Variants in INTS6 observed in about 807,000 individuals in gnomAD.
INTS6 encodes DEAD box protein.
INTS6 carries 16 observed loss-of-function variants against 104.9 expected under a neutral mutation model. The observed-to-expected ratio is 0.15, with a 90% CI of 0.10 to 0.23. The LOEUF is 0.23. INTS6 is among the 10% of genes least tolerant of loss of function. The pLI, the probability that INTS6 is intolerant of heterozygous loss-of-function variation, is 1.00. For synonymous variants in INTS6, 324 were observed against 358.7 expected, an observed-to-expected ratio of 0.90 and a Z score of 1.09; for missense variants, 584 against 1,062.8, an observed-to-expected ratio of 0.55 and a Z score of 6.26.
chr13:51,374,881 T>C, intron 13 of INTS6, 85 bp from the exon 14 acceptor site: 2 of 1,381,394 alleles, frequency 1.4e-6, no homozygotes, highest in Non-Finnish European at 2.0e-6. Context: ...TGCTACCTAG[T>C]GTTATTCTAG....
the INTS6 span, among the ~76,000 whole-genome samples, chr13:51,338,060 C>T: frequency 0.016 from 2,376 of 152,144 alleles, 34 homozygotes; most frequent in East Asian, 0.07. Context: ...GCATTTTTCC[C>T]GAAGGATGCT....
At chr13:51,436,733 A>G (rs1336519872) in intron 3 of INTS6, 1 of 152,212 alleles carries the variant, frequency 6.6e-6, no homozygotes, top group African/African-American at 2.4e-5. Flanking sequence ...AAAAGACGAT[A>G]ATATAAACTC....
Position 51,417,900 on chromosome 13 carries a change from G to GT in INTS6, c.429+12393dup, listed in dbSNP as rs968326178. ...CTTATGCAGTACAATACTGTTGCTT[G>GT]TTTTTTTCTTTTAATCCCACACTAG... On this transcript the variant is annotated intron_variant, in intron 4 of 17. Coordinates refer to ENST00000311234, the MANE Select transcript of INTS6 (RefSeq NM_012141.3). Among the ~76,000 whole-genome samples the GT allele has an allele frequency of 8.5e-5, 13 of 152,208 alleles. No homozygotes were observed. The East Asian group carries it at 1.5e-3, about 18-fold the overall frequency.
At chr13:51,386,319 C>G in intron 7 of INTS6, among the ~76,000 whole-genome samples, 1 of 151,844 alleles carries the variant, frequency 6.6e-6, no homozygotes, top group Non-Finnish European at 1.5e-5. Flanking sequence ...GAATAAATAA[C>G]CAACATGACA....
At chr13:51,388,562 T>G (rs1209858861) in intron 6 of INTS6, among the ~76,000 whole-genome samples, 1 of 151,990 alleles carries the variant, frequency 6.6e-6, no homozygotes, top group Non-Finnish European at 1.5e-5. Context: ...CCTGGCTCAT[T>G]TTGTATTTTT....
intron 13 of INTS6, among the ~76,000 whole-genome samples, chr13:51,375,301 G>A (rs893383669): frequency 1.4e-5 from 2 of 146,386 alleles, no homozygotes; most frequent in African/African-American, 2.6e-5. Context: ...GCAGTGAGCC[G>A]AGATCACACC....
intron 3 of INTS6, among the ~76,000 whole-genome samples, chr13:51,435,770 C>G (rs1957175614): frequency 6.6e-6 from 1 of 152,046 alleles, no homozygotes; most frequent in South Asian, 2.1e-4. Flanking sequence ...ATAAAATCTT[C>G]TGATGTGCTA....
intron 7 of INTS6, among the ~76,000 whole-genome samples, chr13:51,385,692 A>G (rs1171884894): frequency 3.3e-5 from 5 of 152,018 alleles, no homozygotes; most frequent in Non-Finnish European, 7.4e-5. Context: ...CAGTAGCAAT[A>G]TTTCTTCAAT....
Position 51,452,823 on chromosome 13 carries a change from T to A in INTS6, c.-298A>T. ...CGGTTCGTCCCCCCCGCCTCGGGGG[T>A]CCCGTCCCCGCTCCCGGCCCCTGTG... On this transcript the variant is annotated 5_prime_UTR_variant, in exon 1 of 18. Transcript: ENST00000311234. This position sits in a 1 kb window ranked among gnomAD's most constrained non-coding sequence, Gnocchi z 4.2. 1.7e-6 allele frequency: 2 copies of A among 1,166,844 alleles called. No individual in the cohort carries two copies. The highest frequency in any genetic ancestry group is 2.1e-6 in the Non-Finnish European group (2 of 938,700). The allele number at this position is 1,166,844 out of a possible 1,614,324, so 72.3% of individuals were successfully genotyped here. A position where few individuals can be genotyped will look rare whatever the true frequency, so the allele number is the denominator to read the frequency against.
chr13:51,355,072 A>G, intron 3 of INTS6: 1 of 1,547,250 alleles, frequency 6.5e-7, no homozygotes, highest in Non-Finnish European at 8.8e-7. Context: ...TTCAACTTAA[A>G]AAGCATTTTA....
chr13:51,343,393 C>A, the INTS6 span, among the ~76,000 whole-genome samples: 1 of 152,158 alleles, frequency 6.6e-6, no homozygotes, highest in Non-Finnish European at 1.5e-5. Context: ...GGCAAGAGCC[C>A]TCGTTCCAGC....
the INTS6 span, among the ~76,000 whole-genome samples, chr13:51,346,430 C>T: frequency 6.6e-6 from 1 of 152,198 alleles, no homozygotes; most frequent in Non-Finnish European, 1.5e-5. Context: ...TGGCCCCAAA[C>T]AGAACCAGGA....
chr13:51,361,138 T>A, downstream of INTS6: 1 of 537,416 alleles, frequency 1.9e-6, no homozygotes, highest in South Asian at 3.2e-5. Flanking sequence ...AAAAACAGAA[T>A]TTTCCACTCT....
At chr13:51,391,612 T>C (rs1956247129) in intron 5 of INTS6, among the ~76,000 whole-genome samples, 1 of 152,182 alleles carries the variant, frequency 6.6e-6, no homozygotes, top group Non-Finnish European at 1.5e-5. Flanking sequence ...CTACTTGTAT[T>C]TGTGAAAAAA....
chr13:51,367,153 A>C (rs1024317689), intron 17 of INTS6, among the ~76,000 whole-genome samples: 3 of 152,002 alleles, frequency 2.0e-5, no homozygotes, highest in African/African-American at 7.2e-5. Context: ...TGCTCTAAAT[A>C]ATCTCTACAT....
At chr13:51,404,103 C>CACACACACACACAGAGAG (rs1491389220) in intron 4 of INTS6, among the ~76,000 whole-genome samples, 9 of 103,970 alleles carry the variant, frequency 8.7e-5, no homozygotes, top group African/African-American at 3.5e-4. Context: ...CACACACACA[C>CACACACACACACAGAGAG]AGAGAGAGAG....
At chr13:51,408,706 A>G (rs1475646566) in intron 4 of INTS6, among the ~76,000 whole-genome samples, 1 of 152,182 alleles carries the variant, frequency 6.6e-6, no homozygotes, top group Non-Finnish European at 1.5e-5. Flanking sequence ...AAAAACTTAA[A>G]GACCTTTTGA....
intron 3 of INTS6, among the ~76,000 whole-genome samples, chr13:51,435,838 T>G (rs946359713): frequency 2.6e-5 from 4 of 152,004 alleles, no homozygotes; most frequent in Admixed American, 2.6e-4. Flanking sequence ...TTTTTAAAGG[T>G]GGAGGAGGTT....
intron 4 of INTS6, among the ~76,000 whole-genome samples, chr13:51,414,617 A>T (rs1193043285): frequency 6.6e-6 from 1 of 152,190 alleles, no homozygotes. Flanking sequence ...ATGGAAAAGA[A>T]GCTTAATAAA....
Sources: gnomAD v4.1 joint callset for allele counts (sites outside exome capture counted in the v4.1 genomes callset) on GRCh38, gnomAD v4.1.1 for gene constraint, Gnocchi (gnomAD v3.1) non-coding constraint, MANE v1.5 for transcripts, NCBI Gene and HGNC (gene_info 2026-07-23, HGNC 2026-07-21) for gene names.